Variants in DST observed in about 807,000 individuals in gnomAD.
DST encodes bullous pemphigoid antigen.
In DST, 253 loss-of-function variants were observed where a neutral mutation model predicts 875.2. The ratio of observed to expected loss-of-function variants is 0.29; its 90% CI spans 0.26 to 0.32. The LOEUF is 0.32. Ranked by LOEUF, DST falls within the 10% of genes least tolerant of loss-of-function variation. The pLI is 1.00. For missense variants in DST, 8,287 were observed against 9,111.6 expected (o/e 0.91, Z 3.68); for synonymous variants, 3,124 against 3,197.1 (o/e 0.98, Z 0.77).
chr6:56,513,974 C>T (rs1000198964), intron 72 of DST, among the ~76,000 whole-genome samples: 2 of 152,094 alleles, frequency 1.3e-5, no homozygotes, highest in African/African-American at 4.8e-5. Context: ...AAAAGAAATG[C>T]CATCCTAGGA....
intron 2 of DST, among the ~76,000 whole-genome samples, chr6:56,922,125 A>G (rs1804612805): frequency 6.6e-6 from 1 of 152,178 alleles, no homozygotes; most frequent in Non-Finnish European, 1.5e-5. Flanking sequence ...GCACTGATTC[A>G]GTTAGCACTC....
chr6:56,769,399 C>T (rs2099643478), intron 4 of DST, among the ~76,000 whole-genome samples: 1 of 152,152 alleles, frequency 6.6e-6, no homozygotes, highest in Admixed American at 6.5e-5. Flanking sequence ...TAAACATAGT[C>T]TTACCATATA....
At chr6:56,861,984 G>C (rs759735980) in intron 3 of DST, 1 of 152,176 alleles carries the variant, frequency 6.6e-6, no homozygotes, top group Non-Finnish European at 1.5e-5. Flanking sequence ...CAAACTCACC[G>C]TGTGGGTAGC....
chr6:56,548,309 G>A (rs1219256452), intron 61 of DST, among the ~76,000 whole-genome samples: 1 of 152,238 alleles, frequency 6.6e-6, no homozygotes, highest in Non-Finnish European at 1.5e-5. Flanking sequence ...GGACAAGCTT[G>A]GCCTAGATAG....
At position 56,663,830 on chromosome 6, in the gene DST, T is replaced by G. The variant is rs560695881; in HGVS notation, c.1214+6811A>C. On this transcript the variant is annotated intron_variant, in intron 10 of 103. Coordinates refer to ENST00000680361, the MANE Select transcript of DST (RefSeq NM_001374736.1). ...AGTGAAAAGTTCCTGGCTGCTTAAT[T>G]AGAAAACATTTGACTGCTTTGCTCC... is the stretch of plus-strand genomic sequence containing the variant. Among the ~76,000 whole-genome samples the G allele has an allele frequency of 1.2e-4, 19 of 152,284 alleles. No individual in the cohort carries two copies. In the South Asian group the frequency reaches 3.3e-3, roughly 27 times the overall value.
At position 56,509,783 on chromosome 6, in the gene DST, T is replaced by C; in HGVS notation, c.18871A>G (p.Lys6291Glu). 6.2e-7 allele frequency: 1 copy of C among 1,613,788 alleles called. No individual in the cohort carries two copies. Among genetic ancestry groups the C allele is most frequent in the Non-Finnish European group, 8.5e-7 (1 of 1,179,760 alleles). ...TTTTCACTGATCTGTTCCTTGATCT[T>C]CTCAACCTCTGCAGAGATAGAGGGT... The part of the protein sequence containing the change: ...QPPSISAEVE[K>E]IKEQISENKN... The change falls in exon 74 of 104, where the codon AAG (lysine) becomes GAG (glutamate). Residue 6291 changes from lysine (K) to glutamate (E), a missense_variant. Lys to Glu is a moderately conservative substitution (Grantham distance 56, BLOSUM62 1). This residue lies in a region of DST where 1,292 missense variants were observed against 1,552.7 expected (regional missense o/e 0.83). Transcript: ENST00000680361.
At chr6:56,657,634 T>G (rs1049255189) in intron 10 of DST, among the ~76,000 whole-genome samples, 6 of 152,144 alleles carry the variant, frequency 3.9e-5, no homozygotes, top group Non-Finnish European at 5.9e-5. Flanking sequence ...TTACACTGGA[T>G]GAAAAGAGCT....
chr6:56,720,984 C>T (rs996555731), intron 5 of DST, among the ~76,000 whole-genome samples: 2 of 151,388 alleles, frequency 1.3e-5, no homozygotes, highest in African/African-American at 4.9e-5. Context: ...AGGCGCCCCC[C>T]GCCACCTTCC....
intron 4 of DST, among the ~76,000 whole-genome samples, chr6:56,782,786 T>G (rs1159491004): frequency 6.6e-6 from 1 of 152,234 alleles, no homozygotes; most frequent in Non-Finnish European, 1.5e-5. Context: ...TGTTTGCTCT[T>G]GCTTCTCTAG....
chr6:56,937,206 C>T (rs1453681653), intron 2 of DST, among the ~76,000 whole-genome samples: 1 of 151,666 alleles, frequency 6.6e-6, no homozygotes, highest in Non-Finnish European at 1.5e-5. Context: ...TAACTTTGCA[C>T]TTAAAAAGAC....
chr6:56,579,007 G>T, intron 49 of DST, 70 bp from the exon 50 acceptor site: 1 of 1,313,160 alleles, frequency 7.6e-7, no homozygotes, highest in Non-Finnish European at 1.0e-6. Context: ...TGGAAAAAAT[G>T]ATTTCTAATA....
intron 5 of DST, among the ~76,000 whole-genome samples, chr6:56,734,375 C>T (rs551825519): frequency 8.5e-5 from 13 of 152,294 alleles, no homozygotes; most frequent in Admixed American, 6.5e-4. Context: ...ATTATTGGTA[C>T]CACTCTTAAG....
Position 56,527,537 on chromosome 6 carries a change from C to T in DST, c.17878G>A (p.Val5960Ile), listed in dbSNP as rs2096825249. ...TGACTTGCTTCTTCTCCTTTCAGAA[C>T]CTGAGTTTCATATGAAAGTAATTCC... Reference protein sequence around the residue: ...EVELLSYETQVLKGEEASQAQ... With the variant: ...EVELLSYETQILKGEEASQAQ... The change falls in exon 68 of 104, where the codon GTT (valine) becomes ATT (isoleucine). Residue 5960 changes from valine (V) to isoleucine (I), a missense_variant. By Grantham distance (29) the Val-to-Ile change is conservative. Transcript: ENST00000680361. 5.6e-6 allele frequency: 9 copies of T among 1,613,626 alleles called. No individual in the cohort carries two copies. Among genetic ancestry groups the T allele is most frequent in the South Asian group, 1.1e-5 (1 of 91,062 alleles).
rs375644963 is a variant in DST, at chr6:56,517,230, C to T, written c.18325G>A (p.Ala6109Thr). Residue 6109 changes from alanine to threonine, a missense_variant, in exon 71 of 104, where the codon GCA (alanine) becomes ACA (threonine). Physicochemically the swap from Ala to Thr is moderately conservative, Grantham distance 58. This residue lies in a region of DST where 1,292 missense variants were observed against 1,552.7 expected (regional missense o/e 0.83). Coordinates refer to ENST00000680361, the MANE Select transcript of DST (RefSeq NM_001374736.1). Reference protein sequence around the residue: ...LVKSGHKIMTACSEEEKQSMK... With the variant: ...LVKSGHKIMTTCSEEEKQSMK... ...GATTGCTTTTCCTCTTCACTGCATG[C>T]GGTCATGATTTTATGCCCAGATTTA... The T allele has an allele frequency of 7.4e-6, 12 of 1,612,362 alleles. No individual in the cohort carries two copies. The highest frequency in any genetic ancestry group is 2.2e-5 in the East Asian group (1 of 44,860).
intron 63 of DST, among the ~76,000 whole-genome samples, chr6:56,532,966 T>C (rs777854696): frequency 1.3e-5 from 2 of 152,206 alleles, no homozygotes; most frequent in Non-Finnish European, 2.9e-5. Flanking sequence ...CAATCCATTA[T>C]AGACAAGGAA....
intron 92 of DST, among the ~76,000 whole-genome samples, chr6:56,474,903 G>A (rs1437619786): frequency 1.4e-5 from 2 of 142,120 alleles, no homozygotes; most frequent in Non-Finnish European, 3.0e-5. Context: ...AGGCTGCAGT[G>A]AGCCACGACT....
intron 2 of DST, among the ~76,000 whole-genome samples, chr6:56,912,693 G>C (rs1344997232): frequency 6.6e-6 from 1 of 152,174 alleles, no homozygotes; most frequent in Non-Finnish European, 1.5e-5. Flanking sequence ...GAGTCATTTA[G>C]AACACCAGGC....
chr6:56,669,785 C>T (rs1226013439), intron 10 of DST, among the ~76,000 whole-genome samples: 1 of 152,066 alleles, frequency 6.6e-6, no homozygotes, highest in Non-Finnish European at 1.5e-5. Flanking sequence ...TGTCTGTTTA[C>T]TGGGATGACA....
intron 62 of DST, among the ~76,000 whole-genome samples, chr6:56,535,941 T>C (rs1410733787): frequency 6.6e-6 from 1 of 152,220 alleles, no homozygotes; most frequent in Non-Finnish European, 1.5e-5. Flanking sequence ...ATGGATTATA[T>C]TTACACCTGA....
Sources: gnomAD v4.1 joint callset for allele counts (sites outside exome capture counted in the v4.1 genomes callset) on GRCh38, gnomAD v4.1.1 for gene constraint, gnomAD v4.1.1 regional missense constraint, MANE v1.5 for transcripts, NCBI Gene and HGNC (gene_info 2026-07-23, HGNC 2026-07-21) for gene names.